The following EPYC variants were observed in gnomAD, a reference collection of about 807,000 sequenced individuals.
EPYC encodes epiphycan.
Under a neutral mutation model 30.1 loss-of-function variants are expected in EPYC, and 28 were observed. The ratio of observed to expected loss-of-function variants is 0.93; its 90% CI spans 0.69 to 1.28. The LOEUF (loss-of-function observed/expected upper bound fraction) is 1.28, where lower values mean the gene tolerates loss of function less well. Among genes scored for constraint, EPYC ranks in the 50% most tolerant of loss-of-function variants. The pLI, the probability that EPYC is intolerant of heterozygous loss-of-function variation, is 0.00. For synonymous variants in EPYC, 144 were observed against 141.4 expected, an observed-to-expected ratio of 1.02 and a Z score of -0.13; for missense variants, 382 against 383.5, an observed-to-expected ratio of 1.00 and a Z score of 0.03.
At position 90,964,334 on chromosome 12, in the gene EPYC, A is replaced by G; in HGVS notation, c.799-8T>C. 1 of 1,590,480 alleles carries G rather than the reference A, an allele frequency of 6.3e-7. No individual in the cohort carries two copies. ...TTCCAGAATGTTGTTATTCTAAAAA[A>G]GATGAAAATAAATTATGACAAGATA... is the stretch of plus-strand genomic sequence containing the variant. On this transcript the variant is annotated splice_region_variant and splice_polypyrimidine_tract_variant and intron_variant, in intron 6 of 6. Transcript: ENST00000261172.
At chr12:90,996,934 A>G (rs1379778732) in intron 2 of EPYC, among the ~76,000 whole-genome samples, 1 of 152,090 alleles carries the variant, frequency 6.6e-6, no homozygotes, top group East Asian at 1.9e-4. Context: ...TGAGGTGACA[A>G]GAAAATAAAG....
intron 2 of EPYC, among the ~76,000 whole-genome samples, chr12:90,995,644 G>A (rs544544956): frequency 1.0e-3 from 157 of 151,862 alleles, no homozygotes; most frequent in Non-Finnish European, 1.6e-3. Flanking sequence ...GTTATCTTAT[G>A]TTTGTGGTCT....
chr12:91,004,363 T>C (rs942153585), intron 1 of EPYC, among the ~76,000 whole-genome samples: 1 of 152,132 alleles, frequency 6.6e-6, no homozygotes, highest in Non-Finnish European at 1.5e-5. Flanking sequence ...ACAGCATCTA[T>C]CTATGTTTAG....
rs150301480 is a variant in EPYC, at chr12:90,972,910, A to G, written c.411T>C (p.Ala137=). 6.2e-7 allele frequency: 1 copy of G among 1,612,858 alleles called. No homozygotes were observed. Among genetic ancestry groups the G allele is most frequent in the African/African-American group, 1.3e-5 (1 of 75,030 alleles). The change falls in exon 4 of 7, where the codon GCT becomes GCC. Residue 137 remains alanine, a synonymous_variant. Coordinates refer to ENST00000261172, the MANE Select transcript of EPYC (RefSeq NM_004950.5). The stretch of plus-strand genomic sequence containing the variant: ...CGGTGTTCTTTGGCAGCGGAGGAAT[A>G]GCATCAAGTTCATGGTCATCACAGT... The part of the protein sequence containing the change: ...TVYCDDHELD[A]IPPLPKNTAY...
intron 3 of EPYC, among the ~76,000 whole-genome samples, chr12:90,974,328 A>G (rs1474050731): frequency 6.6e-6 from 1 of 152,170 alleles, no homozygotes; most frequent in Non-Finnish European, 1.5e-5. Flanking sequence ...CAGAGCATTT[A>G]CAAGATTTGC....
intron 6 of EPYC, among the ~76,000 whole-genome samples, chr12:90,966,546 T>A (rs1016034375): frequency 3.9e-5 from 6 of 152,114 alleles, no homozygotes; most frequent in Middle Eastern, 3.2e-3. Flanking sequence ...TGTGTTTTGT[T>A]GAGGCGATTT....
At chr12:90,998,285 A>C (rs1877742144) in intron 2 of EPYC, among the ~76,000 whole-genome samples, 1 of 152,116 alleles carries the variant, frequency 6.6e-6, no homozygotes, top group East Asian at 1.9e-4. Context: ...ACTAGAGTAA[A>C]ATGAAAGTGC....
chr12:90,967,289 T>C (rs1876923516), intron 6 of EPYC, among the ~76,000 whole-genome samples: 1 of 148,764 alleles, frequency 6.7e-6, no homozygotes, highest in Non-Finnish European at 1.5e-5. Context: ...TACATTTCAA[T>C]GTGTTTTATT....
At chr12:90,999,418 A>C (rs1592632557) in intron 2 of EPYC, among the ~76,000 whole-genome samples, 1 of 152,232 alleles carries the variant, frequency 6.6e-6, no homozygotes, top group East Asian at 1.9e-4. Context: ...ATAATTTTAG[A>C]ACAAAGGTTT....
chr12:90,989,016 G>A (rs7485179), intron 2 of EPYC, among the ~76,000 whole-genome samples: 1 of 152,036 alleles, frequency 6.6e-6, no homozygotes, highest in Non-Finnish European at 1.5e-5. Context: ...CCATCATGTA[G>A]ATATAGGTTA....
chr12:90,979,576 C>A (rs143464511), intron 2 of EPYC, among the ~76,000 whole-genome samples: 122 of 152,152 alleles, frequency 8.0e-4, no homozygotes, highest in African/African-American at 2.8e-3. Flanking sequence ...GAAAATTATT[C>A]TTTTTAAGGA....
At chr12:90,976,318 A>T (rs1877179308) in intron 3 of EPYC, among the ~76,000 whole-genome samples, 1 of 151,822 alleles carries the variant, frequency 6.6e-6, no homozygotes, top group African/African-American at 2.4e-5. Context: ...AAATGCATGA[A>T]CTCCTTTATC....
chr12:90,973,977 A>G (rs962488361), intron 3 of EPYC, among the ~76,000 whole-genome samples: 2 of 151,568 alleles, frequency 1.3e-5, no homozygotes, highest in African/African-American at 4.8e-5. Context: ...GGAACCAAAA[A>G]TGTTTCTGAG....
intron 5 of EPYC, among the ~76,000 whole-genome samples, chr12:90,970,520 T>A (rs771080005): frequency 1.3e-5 from 2 of 152,166 alleles, no homozygotes; most frequent in Non-Finnish European, 2.9e-5. Context: ...CTTTATTTTA[T>A]AGGCATGGAA....
intron 2 of EPYC, among the ~76,000 whole-genome samples, chr12:90,995,845 G>A (rs1877682481): frequency 6.6e-6 from 1 of 151,734 alleles, no homozygotes; most frequent in Non-Finnish European, 1.5e-5. Context: ...AAGTCAATGA[G>A]ACAACCATAT....
rs1187165782 is a variant in EPYC at position 90,973,051 on chromosome 12, T to C, written c.341-71A>G. The stretch of plus-strand genomic sequence containing the variant: ...TTTCTAAGAAATAATGTGGAATGTT[T>C]GATACACAAGATTAGAGTCTCCCAC... On this transcript the variant is annotated intron_variant, in intron 3 of 6. Transcript: ENST00000261172. 5 of 1,107,740 alleles carry C rather than the reference T, an allele frequency of 4.5e-6. No individual in the cohort carries two copies. In the Admixed American group the frequency reaches 1.2e-4, roughly 26 times the overall value. 68.6% of individuals were successfully genotyped at this position (1,107,740 alleles called of 1,614,324 possible). A position where few individuals can be genotyped will look rare whatever the true frequency, so the allele number is the denominator to read the frequency against.
intron 2 of EPYC, 94 bp downstream of exon 2, chr12:91,002,307 A>T: frequency 9.3e-7 from 1 of 1,075,090 alleles, no homozygotes; most frequent in South Asian, 1.7e-5. Flanking sequence ...CTTTCTACTT[A>T]TAAAAAAACC....
chr12:90,969,918 A>AG, intron 6 of EPYC, 126 bp downstream of exon 6: 1 of 696,862 alleles, frequency 1.4e-6, no homozygotes, highest in South Asian at 1.7e-5. Context: ...ATGAGAAAAG[A>AG]GAAAAAGAAG....
Position 90,971,950 on chromosome 12 carries a change from T to C in EPYC, c.552A>G (p.Glu184=). The C allele has an allele frequency of 6.2e-7, 1 of 1,609,736 alleles. No homozygotes were observed. Among genetic ancestry groups the C allele is most frequent in the Non-Finnish European group, 8.5e-7 (1 of 1,177,850 alleles). ...LTSNLISEID[E]DAFRKLPQLR... Reference sequence around the variant, plus strand: ...GTTGAGGCAGTTTTCGGAATGCATCTTCATCAATCTCAGATATTAAATTTG... The same window carrying C: ...GTTGAGGCAGTTTTCGGAATGCATCCTCATCAATCTCAGATATTAAATTTG... Residue 184 remains glutamate (E), a synonymous_variant, in exon 5 of 7, where the codon GAA becomes GAG. Transcript: ENST00000261172.
Sources: gnomAD v4.1 joint callset for allele counts (sites outside exome capture counted in the v4.1 genomes callset) on GRCh38, gnomAD v4.1.1 for gene constraint, MANE v1.5 for transcripts, NCBI Gene and HGNC (gene_info 2026-07-23, HGNC 2026-07-21) for gene names.